The following MRAS variants were observed in gnomAD, a reference collection of about 807,000 sequenced individuals.
MRAS encodes the protein muscle RAS oncogene homolog, also known as ras-related protein M-Ras.
MRAS carries 4 observed loss-of-function variants against 20.9 expected under a neutral mutation model. The observed-to-expected ratio is 0.19, with a 90% CI of 0.09 to 0.44. The LOEUF (loss-of-function observed/expected upper bound fraction) is 0.44. Ranked by LOEUF, MRAS falls within the 20% of genes least tolerant of loss-of-function variation. The pLI is 0.99. For missense variants in MRAS, 154 were observed against 277.5 expected (o/e 0.56, Z 3.16); for synonymous variants, 98 against 102.9 (o/e 0.95, Z 0.29).
In MRAS at chr3:138,385,618, C is replaced by T. The variant is rs961222084; in HGVS notation, c.194-11706C>T. Among the ~76,000 whole-genome samples, 5 of 151,998 alleles carry T rather than the reference C, an allele frequency of 3.3e-5. No homozygotes were observed. In the East Asian group the frequency reaches 5.8e-4, roughly 18 times the overall value. On this transcript the variant is annotated intron_variant, in intron 2 of 5. Transcript: ENST00000423968. ...GCAACCTCTGCTTCCCAGGTTCAAG[C>T]GATTCTCCTGCCTCAGCCTCCTGAG... is the stretch of plus-strand genomic sequence containing the variant.
intron 1 of MRAS, among the ~76,000 whole-genome samples, chr3:138,350,615 A>G (rs924553927): frequency 8.5e-5 from 13 of 152,224 alleles, no homozygotes; most frequent in African/African-American, 2.9e-4. Context: ...TCGCTCCTCC[A>G]TAAGACAGTT....
chr3:138,372,809 A>G, intron 1 of MRAS, 57 bp from the exon 2 acceptor site: 2 of 1,232,060 alleles, frequency 1.6e-6, no homozygotes, highest in Non-Finnish European at 2.2e-6. Flanking sequence ...ACATATGAAT[A>G]TTTTCCCCTA....
chr3:138,367,111 A>G (rs1451917442), intron 1 of MRAS, among the ~76,000 whole-genome samples: 4 of 152,108 alleles, frequency 2.6e-5, no homozygotes, highest in East Asian at 3.9e-4. Context: ...CTGCTGTCCT[A>G]TGCAGTGTGG....
At chr3:138,363,072 T>C (rs2054483829) in intron 1 of MRAS, among the ~76,000 whole-genome samples, 1 of 152,056 alleles carries the variant, frequency 6.6e-6, no homozygotes, top group African/African-American at 2.4e-5. Context: ...AGTCTTGCTC[T>C]GTTGCCCAGG....
rs2055407793 is a variant in MRAS, at chr3:138,403,936, A to G, written c.*1667A>G. On this transcript the variant is annotated 3_prime_UTR_variant, in exon 6 of 6. Coordinates refer to ENST00000423968, the MANE Select transcript of MRAS (RefSeq NM_001085049.3). ...GTGTTCCTACCTCGGCAAGATCACC[A>G]GCACTGAGGGGCCCAGCTGGAGAAT... 1 of 152,238 alleles carries G rather than the reference A, an allele frequency of 6.6e-6. No individual in the cohort carries two copies. Among genetic ancestry groups the G allele is most frequent in the African/African-American group, 2.4e-5 (1 of 41,476 alleles). The allele number at this position is 152,238 out of a possible 1,614,324, so 9.4% of individuals were successfully genotyped here. A position where few individuals can be genotyped will look rare whatever the true frequency, so the allele number is the denominator to read the frequency against.
At chr3:138,387,419 C>T (rs1453473298) in intron 2 of MRAS, among the ~76,000 whole-genome samples, 1 of 152,180 alleles carries the variant, frequency 6.6e-6, no homozygotes, top group African/African-American at 2.4e-5. Context: ...ATGCCACTGC[C>T]GACTCCTGCT....
intron 1 of MRAS, among the ~76,000 whole-genome samples, chr3:138,363,313 G>A (rs888655552): frequency 6.6e-6 from 1 of 151,880 alleles, no homozygotes; most frequent in African/African-American, 2.4e-5. Context: ...CACCCACCTC[G>A]GCCTTCCAAA....
chr3:138,393,726 G>A (rs967676367), intron 2 of MRAS, among the ~76,000 whole-genome samples: 8 of 151,312 alleles, frequency 5.3e-5, no homozygotes, highest in African/African-American at 1.7e-4. Context: ...CTTCGCTCTT[G>A]TTGCCTAGGC....
intron 1 of MRAS, among the ~76,000 whole-genome samples, chr3:138,352,144 CTGG>C (rs2054241327): frequency 6.6e-6 from 1 of 152,244 alleles, no homozygotes; most frequent in African/African-American, 2.4e-5. Context: ...GAGGGCAGTG[CTGG>C]CACTGCCTCA....
chr3:138,353,451 CA>C (rs1294268792), intron 1 of MRAS, among the ~76,000 whole-genome samples: 2 of 152,104 alleles, frequency 1.3e-5, no homozygotes, highest in African/African-American at 4.8e-5. Flanking sequence ...CTTCTAGAGA[CA>C]CAGTGTCTCT....
At chr3:138,397,746 A>C (rs1162361180) in intron 3 of MRAS, among the ~76,000 whole-genome samples, 1 of 152,232 alleles carries the variant, frequency 6.6e-6, no homozygotes, top group Non-Finnish European at 1.5e-5. Flanking sequence ...TAAAGACAGA[A>C]AAAAATCTAG....
intron 2 of MRAS, among the ~76,000 whole-genome samples, chr3:138,384,787 G>A (rs1272641258): frequency 6.6e-6 from 1 of 152,138 alleles, no homozygotes; most frequent in African/African-American, 2.4e-5. Flanking sequence ...AGGAGACAGG[G>A]CAGGACCAGT....
chr3:138,384,768 G>A (rs895362591), intron 2 of MRAS, among the ~76,000 whole-genome samples: 1 of 152,152 alleles, frequency 6.6e-6, no homozygotes, highest in African/African-American at 2.4e-5. Context: ...TTTAGAGGCT[G>A]GGGAGAAGAG....
chr3:138,379,037 C>G (rs2054844543), intron 2 of MRAS, among the ~76,000 whole-genome samples: 1 of 152,166 alleles, frequency 6.6e-6, no homozygotes. Flanking sequence ...GGGAACATTA[C>G]AATTCTTCTC....
At chr3:138,372,183 C>T (rs1166033971) in intron 1 of MRAS, among the ~76,000 whole-genome samples, 2 of 152,082 alleles carry the variant, frequency 1.3e-5, no homozygotes, top group Non-Finnish European at 2.9e-5. Context: ...TGCAAATATC[C>T]CTGGGGAGCA....
intron 2 of MRAS, among the ~76,000 whole-genome samples, chr3:138,388,306 G>T (rs927453462): frequency 2.0e-5 from 3 of 152,052 alleles, no homozygotes; most frequent in Non-Finnish European, 4.4e-5. Flanking sequence ...TTATTTTTTT[G>T]AATCTATTCT....
chr3:138,350,638 C>T (rs751912645), intron 1 of MRAS, among the ~76,000 whole-genome samples: 2 of 152,170 alleles, frequency 1.3e-5, no homozygotes, highest in Non-Finnish European at 2.9e-5. Flanking sequence ...TAATTTCCAC[C>T]TCTGTTTTCA....
chr3:138,359,367 G>C (rs1473122421), intron 1 of MRAS, among the ~76,000 whole-genome samples: 2 of 152,126 alleles, frequency 1.3e-5, no homozygotes, highest in African/African-American at 2.4e-5. Flanking sequence ...CACACTCATT[G>C]CCATGCCTGC....
At chr3:138,384,673 A>G (rs2054973436) in intron 2 of MRAS, among the ~76,000 whole-genome samples, 1 of 152,162 alleles carries the variant, frequency 6.6e-6, no homozygotes, top group Non-Finnish European at 1.5e-5. Context: ...TGTGGGCTGG[A>G]TAGAAATCTG....
Sources: allele counts gnomAD v4.1 joint callset (sites outside exome capture counted in the v4.1 genomes callset), GRCh38; gene constraint gnomAD v4.1.1; transcripts MANE v1.5; gene names NCBI Gene and HGNC (gene_info 2026-07-23, HGNC 2026-07-21).